WWOX: variants seen among roughly 807,000 people sequenced by gnomAD.
The protein encoded by WWOX is WW domain-containing oxidoreductase.
WWOX carries 69 observed loss-of-function variants against 46.2 expected under a neutral mutation model. The observed-to-expected ratio is 1.49, with a 90% confidence interval of 1.23 to 1.82. The LOEUF is 1.82. WWOX is among the 40% of genes most tolerant of loss of function. WWOX has a pLI of 0.00. For missense variants in WWOX, 919 were observed against 542.6 expected, an observed-to-expected ratio of 1.69 and a Z score of -6.89; for synonymous variants, 359 against 202.6, an observed-to-expected ratio of 1.77 and a Z score of -6.56.
At position 78,296,641 on chromosome 16, in the gene WWOX, T is replaced by C. The variant is rs911712182; in HGVS notation, c.517-90219T>C. Reference sequence around the variant, plus strand: ...CAGGGGAAATATGAAAGTTTTGTAATGCAAAAAAATAAAAAAAAATCAACA... The same window carrying C: ...CAGGGGAAATATGAAAGTTTTGTAACGCAAAAAAATAAAAAAAAATCAACA... On this transcript the variant is annotated intron_variant, in intron 5 of 8. Transcript: ENST00000566780. 5.3e-4 allele frequency among the ~76,000 whole-genome samples: 80 copies of C among 151,970 alleles called. 1 individual carries two copies. The highest frequency in any genetic ancestry group is 1.7e-3 in the African/African-American group (71 of 41,440).
chr16:78,309,371 G>A (rs2080194569), intron 5 of WWOX, among the ~76,000 whole-genome samples: 1 of 152,170 alleles, frequency 6.6e-6, no homozygotes, highest in African/African-American at 2.4e-5. Context: ...ATGCTGAACT[G>A]TGAGTAAATT....
intron 8 of WWOX, among the ~76,000 whole-genome samples, chr16:79,024,562 T>C (rs2047599391): frequency 6.6e-6 from 1 of 151,990 alleles, no homozygotes; most frequent in African/African-American, 2.4e-5. Context: ...GCCTCCCGAG[T>C]AGCTGGGACT....
At chr16:79,041,149 A>T (rs943225796) in intron 8 of WWOX, among the ~76,000 whole-genome samples, 1 of 152,152 alleles carries the variant, frequency 6.6e-6, no homozygotes, top group African/African-American at 2.4e-5. Flanking sequence ...TCTCTGACAC[A>T]ATACAGATAT....
chr16:78,946,036 G>T (rs1281059327), intron 8 of WWOX, among the ~76,000 whole-genome samples: 1 of 152,066 alleles, frequency 6.6e-6, no homozygotes. Context: ...ATAGCACTTC[G>T]CAATGAAGCT....
chr16:78,778,210 C>T (rs1440463525), intron 8 of WWOX, among the ~76,000 whole-genome samples: 1 of 152,076 alleles, frequency 6.6e-6, no homozygotes, highest in African/African-American at 2.4e-5. Flanking sequence ...CCTAGCCATA[C>T]CAGGCAGCCT....
At chr16:78,507,659 G>C (rs925802271) in intron 8 of WWOX, among the ~76,000 whole-genome samples, 4 of 152,142 alleles carry the variant, frequency 2.6e-5, no homozygotes, top group African/African-American at 9.7e-5. Flanking sequence ...CCCGTCTCCA[G>C]CCAGATCAGC....
chr16:78,693,357 T>C (rs2048031463), intron 8 of WWOX, among the ~76,000 whole-genome samples: 1 of 152,166 alleles, frequency 6.6e-6, no homozygotes, highest in Non-Finnish European at 1.5e-5. Flanking sequence ...TTCCAGTTAA[T>C]TTTCTCTCTG....
chr16:78,877,383 C>G (rs2044255702), intron 8 of WWOX, among the ~76,000 whole-genome samples: 1 of 152,016 alleles, frequency 6.6e-6, no homozygotes, highest in Non-Finnish European at 1.5e-5. Flanking sequence ...GTTCCTGTCT[C>G]AGACGCTTTG....
intron 8 of WWOX, among the ~76,000 whole-genome samples, chr16:78,916,272 C>G (rs1050436861): frequency 6.6e-6 from 1 of 152,148 alleles, no homozygotes; most frequent in Admixed American, 6.6e-5. Flanking sequence ...CTTTCTACTG[C>G]AGGGGGTATG....
intron 8 of WWOX, among the ~76,000 whole-genome samples, chr16:79,187,908 T>A (rs1441896911): frequency 6.6e-6 from 1 of 152,164 alleles, no homozygotes; most frequent in Non-Finnish European, 1.5e-5. Context: ...GAGCTGTGAG[T>A]CCTTCCTGTG....
At chr16:78,901,066 G>C (rs1320445414) in intron 8 of WWOX, among the ~76,000 whole-genome samples, 2 of 152,156 alleles carry the variant, frequency 1.3e-5, no homozygotes, top group East Asian at 1.9e-4. Context: ...CCTTGTATCA[G>C]AGTTTGCACA....
chr16:79,061,034 G>C (rs1013880777), intron 8 of WWOX, among the ~76,000 whole-genome samples: 4 of 152,140 alleles, frequency 2.6e-5, no homozygotes, highest in Non-Finnish European at 5.9e-5. Flanking sequence ...CTGGAATTCA[G>C]ACTTATACAC....
chr16:79,131,539 G>T (rs772390339), intron 8 of WWOX, among the ~76,000 whole-genome samples: 1 of 152,236 alleles, frequency 6.6e-6, no homozygotes, highest in Non-Finnish European at 1.5e-5. Context: ...AGTGCAAGAC[G>T]GGGACACCCA....
chr16:78,640,244 T>G (rs921957109), intron 8 of WWOX, among the ~76,000 whole-genome samples: 7 of 145,628 alleles, frequency 4.8e-5, no homozygotes, highest in Admixed American at 1.4e-4. Context: ...TTTTTTTTTT[T>G]TTTTTTTTTT....
chr16:79,119,287 C>T (rs1022824018), intron 8 of WWOX, among the ~76,000 whole-genome samples: 27 of 152,054 alleles, frequency 1.8e-4, no homozygotes, highest in African/African-American at 2.7e-4. Flanking sequence ...AGAAACACAG[C>T]GGAAATTCAA....
intron 2 of WWOX, among the ~76,000 whole-genome samples, chr16:78,109,234 C>T (rs1354158588): frequency 2.0e-5 from 3 of 152,142 alleles, no homozygotes; most frequent in Admixed American, 2.0e-4. Context: ...TGCTTGTGAT[C>T]CCAGCCCTTT....
chr16:78,998,249 A>G (rs1245075221), intron 8 of WWOX, among the ~76,000 whole-genome samples: 2 of 152,170 alleles, frequency 1.3e-5, no homozygotes, highest in Non-Finnish European at 2.9e-5. Flanking sequence ...GCTGGGACCC[A>G]GGACATGTTG....
At chr16:79,061,211 A>C (rs1250775231) in intron 8 of WWOX, among the ~76,000 whole-genome samples, 1 of 152,150 alleles carries the variant, frequency 6.6e-6, no homozygotes, top group Admixed American at 6.5e-5. Context: ...TGACTGCCTA[A>C]AATGTTAGGA....
intron 8 of WWOX, among the ~76,000 whole-genome samples, chr16:78,445,931 C>G (rs963032107): frequency 5.5e-4 from 83 of 152,132 alleles, no homozygotes; most frequent in African/African-American, 1.8e-3. Flanking sequence ...GCTTTACTTA[C>G]GTTTTTGATG....
Sources: allele counts gnomAD v4.1 joint callset (sites outside exome capture counted in the v4.1 genomes callset), GRCh38; gene constraint gnomAD v4.1.1; transcripts MANE v1.5; gene names NCBI Gene and HGNC (gene_info 2026-07-23, HGNC 2026-07-21).